RAP1GDS1: variants seen among roughly 807,000 people sequenced by gnomAD.
The protein encoded by RAP1GDS1 is RAP1, GTP-GDP dissociation stimulator 1.
A neutral mutation model predicts 71.1 loss-of-function variants in RAP1GDS1; 35 were observed. The observed-to-expected ratio is 0.49, with a 90% CI of 0.38 to 0.65. The LOEUF (loss-of-function observed/expected upper bound fraction) is 0.65. Among genes scored for constraint, RAP1GDS1 ranks in the 30% least tolerant of loss-of-function variants. RAP1GDS1 has a pLI of 0.00. For synonymous variants in RAP1GDS1, 229 were observed against 243.1 expected (o/e 0.94, Z 0.54); for missense variants, 663 against 706.1 (o/e 0.94, Z 0.69).
intron 1 of RAP1GDS1, among the ~76,000 whole-genome samples, chr4:98,262,136 G>T (rs1342407069): frequency 6.6e-6 from 1 of 152,256 alleles, no homozygotes; most frequent in Admixed American, 6.5e-5. Context: ...AGCCTCATAG[G>T]TTGAAAGGAT....
intron 1 of RAP1GDS1, among the ~76,000 whole-genome samples, chr4:98,278,735 G>A (rs946620794): frequency 6.6e-6 from 1 of 150,926 alleles, no homozygotes; most frequent in African/African-American, 2.5e-5. Flanking sequence ...TGAAGGAAAT[G>A]GGGGGCCTAT....
At chr4:98,273,077 C>T (rs1723720114) in intron 1 of RAP1GDS1, among the ~76,000 whole-genome samples, 1 of 152,168 alleles carries the variant, frequency 6.6e-6, no homozygotes. Flanking sequence ...TCATTGTCGA[C>T]TTCTCATCTT....
At chr4:98,300,528 T>C (rs1287260924) in intron 2 of RAP1GDS1, among the ~76,000 whole-genome samples, 1 of 152,052 alleles carries the variant, frequency 6.6e-6, no homozygotes, top group East Asian at 1.9e-4. Flanking sequence ...GCCTCCTGAG[T>C]AGCTGGGATT....
Position 98,421,352 on chromosome 4 carries a change from A to C in RAP1GDS1, c.1398A>C (p.Ser466=). 1 of 1,610,100 alleles carries C rather than the reference A, an allele frequency of 6.2e-7. No individual in the cohort carries two copies. Among genetic ancestry groups the C allele is most frequent in the Admixed American group, 1.7e-5 (1 of 59,754 alleles). ...ATCATGCTGGTGTGATGGGGGAGTCAAACAGACTGCTGTCTGCCCTTATAC... is the reference window on the plus strand; with the variant it reads ...ATCATGCTGGTGTGATGGGGGAGTCCAACAGACTGCTGTCTGCCCTTATAC... The part of the protein sequence containing the change: ...AKDHAGVMGE[S]NRLLSALIRH... Residue 466 remains serine, a synonymous_variant, in exon 12 of 15, where the codon TCA becomes TCC. Coordinates refer to ENST00000408927, the MANE Select transcript of RAP1GDS1 (RefSeq NM_001100427.2).
chr4:98,416,730 C>T lies in RAP1GDS1; in HGVS notation c.764-15C>T, dbSNP rs10516430. On this transcript the variant is annotated splice_polypyrimidine_tract_variant and intron_variant, in intron 7 of 14. Coordinates refer to ENST00000408927, the MANE Select transcript of RAP1GDS1 (RefSeq NM_001100427.2). ...TATCTCAAAGTTTGATTATTTTGTT[C>T]ACGTTGTTCTTTAGATGCTATTAAA... is the stretch of plus-strand genomic sequence containing the variant. 0.27 allele frequency: 432,344 copies of T among 1,573,948 alleles called. 60,736 individuals are homozygous for T. Among genetic ancestry groups the T allele is most frequent in the South Asian group, 0.3 (26,570 of 89,368 alleles).
chr4:98,351,840 G>C (rs1172234826), intron 3 of RAP1GDS1, among the ~76,000 whole-genome samples: 1 of 151,994 alleles, frequency 6.6e-6, no homozygotes, highest in African/African-American at 2.4e-5. Context: ...CTTTAGACCT[G>C]TAAATGTATG....
At chr4:98,272,020 A>G (rs374694308) in intron 1 of RAP1GDS1, among the ~76,000 whole-genome samples, 1 of 152,284 alleles carries the variant, frequency 6.6e-6, no homozygotes, top group African/African-American at 2.4e-5. Flanking sequence ...TGGGCTGAGA[A>G]TTTGCATTGT....
At position 98,408,104 on chromosome 4, in the gene RAP1GDS1, A is replaced by ATT. The variant is rs56998297; in HGVS notation, c.763+3512_763+3513dup. 3.5e-3 allele frequency among the ~76,000 whole-genome samples: 475 copies of ATT among 137,410 alleles called. 2 individuals carry two copies. The highest frequency in any genetic ancestry group is 0.012 in the African/African-American group (444 of 36,580). 90.1% of individuals were successfully genotyped at this position (137,410 alleles called of 152,430 possible). On this transcript the variant is annotated intron_variant, in intron 7 of 14. Transcript: ENST00000408927. ...GCCCATATATTTTATATATATATATATTTTTTTTTTTCCCTCCCCCGCAAG... is the reference window on the plus strand; with the variant it reads ...GCCCATATATTTTATATATATATATATTTTTTTTTTTTTCCCTCCCCCGCAAG...
rs1727621855 is a variant in RAP1GDS1, at chr4:98,295,562, C to T, written c.112+2047C>T. ...CCCATGAGGTAGGTATTATTATCACCATTTAAAGGATGAGGTAACAGATTA... is the reference window on the plus strand; with the variant it reads ...CCCATGAGGTAGGTATTATTATCACTATTTAAAGGATGAGGTAACAGATTA... On this transcript the variant is annotated intron_variant, in intron 2 of 14. Coordinates refer to ENST00000408927, the MANE Select transcript of RAP1GDS1 (RefSeq NM_001100427.2). Among the ~76,000 whole-genome samples the T allele has an allele frequency of 2.0e-5, 3 of 151,992 alleles. No individual in the cohort carries two copies. The South Asian group carries it at 6.2e-4, about 31-fold the overall frequency.
chr4:98,370,651 A>G (rs1156352332), intron 4 of RAP1GDS1, among the ~76,000 whole-genome samples: 3 of 151,170 alleles, frequency 2.0e-5, no homozygotes, highest in Non-Finnish European at 4.4e-5. Flanking sequence ...GCTCATTGCA[A>G]CTTCCACCTC....
At chr4:98,394,379 A>G (rs1256159175) in intron 6 of RAP1GDS1, among the ~76,000 whole-genome samples, 2 of 152,194 alleles carry the variant, frequency 1.3e-5, no homozygotes, top group Admixed American at 6.5e-5. Flanking sequence ...GAGCATAACA[A>G]GAACTGTGGT....
chr4:98,327,647 C>T (rs1733344604), intron 2 of RAP1GDS1, among the ~76,000 whole-genome samples: 1 of 152,280 alleles, frequency 6.6e-6, no homozygotes, highest in East Asian at 1.9e-4. Context: ...AGATCTTTCT[C>T]TGAAGGCATT....
chr4:98,443,847 T>C lies in RAP1GDS1; in HGVS notation c.*1730T>C, dbSNP rs1404798830. 5.6e-6 allele frequency: 1 copy of C among 177,512 alleles called. No homozygotes were observed. Among genetic ancestry groups the C allele is most frequent in the African/African-American group, 2.4e-5 (1 of 42,250 alleles). The allele number at this position is 177,512 out of a possible 1,614,324, so 11.0% of individuals were successfully genotyped here. ...TTCATATTAATAACTTAATAAATAG[T>C]ATATGAAGCTATAATGGCATCATTT... is the stretch of plus-strand genomic sequence containing the variant. On this transcript the variant is annotated 3_prime_UTR_variant, in exon 15 of 15. Coordinates refer to ENST00000408927, the MANE Select transcript of RAP1GDS1 (RefSeq NM_001100427.2).
chr4:98,414,441 C>T (rs1747598236), intron 7 of RAP1GDS1, among the ~76,000 whole-genome samples: 1 of 143,572 alleles, frequency 7.0e-6, no homozygotes. Context: ...TATGGCTAGC[C>T]AGTTTTCCCA....
At chr4:98,384,912 A>C (rs1218301967) in intron 5 of RAP1GDS1, among the ~76,000 whole-genome samples, 1 of 151,742 alleles carries the variant, frequency 6.6e-6, no homozygotes, top group African/African-American at 2.4e-5. Flanking sequence ...AATGCATTTA[A>C]TATCATAATA....
intron 2 of RAP1GDS1, among the ~76,000 whole-genome samples, chr4:98,315,207 T>C (rs1730765002): frequency 6.6e-6 from 1 of 152,202 alleles, no homozygotes; most frequent in African/African-American, 2.4e-5. Flanking sequence ...ATAACCTCCA[T>C]AGTGGTATCA....
At chr4:98,441,259 ACT>A in intron 14 of RAP1GDS1, 2 of 836,688 alleles carry the variant, frequency 2.4e-6, no homozygotes, top group Non-Finnish European at 1.4e-6. Context: ...ATTAGACTTC[ACT>A]CATCCCATAT....
chr4:98,319,511 T>G (rs1344090029), intron 2 of RAP1GDS1, among the ~76,000 whole-genome samples: 1 of 152,088 alleles, frequency 6.6e-6, no homozygotes, highest in African/African-American at 2.4e-5. Flanking sequence ...CTGGGCATGG[T>G]GGCTCACACC....
At chr4:98,426,419 G>C (rs915849255) in intron 12 of RAP1GDS1, among the ~76,000 whole-genome samples, 31 of 151,974 alleles carry the variant, frequency 2.0e-4, no homozygotes, top group African/African-American at 7.0e-4. Context: ...CAATACAAAA[G>C]ATAAATGAAA....
Sources: allele counts gnomAD v4.1 joint callset (sites outside exome capture counted in the v4.1 genomes callset), GRCh38; gene constraint gnomAD v4.1.1; transcripts MANE v1.5; gene names NCBI Gene and HGNC (gene_info 2026-07-23, HGNC 2026-07-21).